Variants in RASSF2 observed in about 807,000 individuals in gnomAD.
The protein encoded by RASSF2 is ras association domain-containing protein 2.
RASSF2 carries 34 observed loss-of-function variants against 46.3 expected under a neutral mutation model. The observed-to-expected ratio is 0.73, with a 90% CI of 0.56 to 0.98. The LOEUF (loss-of-function observed/expected upper bound fraction) is 0.98, where lower values mean the gene tolerates loss of function less well. Among genes scored for constraint, RASSF2 ranks in the 50% least tolerant of loss-of-function variants. RASSF2 has a pLI of 0.00. For missense variants in RASSF2, 364 were observed against 431.2 expected, an observed-to-expected ratio of 0.84 and a Z score of 1.38; for synonymous variants, 158 against 162.5, an observed-to-expected ratio of 0.97 and a Z score of 0.21.
chr20:4,790,558 G>A lies in RASSF2; in HGVS notation c.430C>T (p.Arg144Cys), dbSNP rs778467935. Residue 144 changes from arginine to cysteine, a missense_variant, in exon 7 of 12, where the codon CGC becomes TGC. Arg to Cys is a radical substitution (Grantham distance 180, BLOSUM62 -3). Transcript: ENST00000379400. This position sits in a 1 kb window ranked among gnomAD's most constrained non-coding sequence, Gnocchi z 4.3. ...CGGCGACGCACCCCAACATCACTGCGTGTGCGCATCAGCTGTGGGGTGTCC... is the reference window on the plus strand; with the variant it reads ...CGGCGACGCACCCCAACATCACTGCATGTGCGCATCAGCTGTGGGGTGTCC... ...QEDTPQLMRT[R>C]SDVGVRRRGN... 1.2e-5 allele frequency: 19 copies of A among 1,539,034 alleles called. No individual in the cohort carries two copies. Among genetic ancestry groups the A allele is most frequent in the South Asian group, 5.0e-5 (4 of 80,058 alleles).
At position 4,784,255 on chromosome 20, in the gene RASSF2, T is replaced by A. The variant is rs1209190849; in HGVS notation, c.*18A>T. The stretch of plus-strand genomic sequence containing the variant: ...AATGGCGGTTCCTGGGGTGCCCAGA[T>A]CCCCTCGTTCTCATGGCTCAGATTG... On this transcript the variant is annotated 3_prime_UTR_variant, in exon 12 of 12. Coordinates refer to ENST00000379400, the MANE Select transcript of RASSF2 (RefSeq NM_014737.3). The A allele has an allele frequency of 6.2e-7, 1 of 1,609,120 alleles. No individual in the cohort carries two copies. The highest frequency in any genetic ancestry group is 2.2e-5 in the East Asian group (1 of 44,830).
rs1274480536 is a variant in RASSF2, at chr20:4,789,684, G to A, written c.551C>T (p.Thr184Ile). ...GTTGGTGACAGAGCCATAGGCTGGT[G>A]TGAACACGGATGTCTGTCAATAGAA... is the stretch of plus-strand genomic sequence containing the variant. The part of the protein sequence containing the change: ...HFYNHKTSVF[T>I]PAYGSVTNVR... Residue 184 changes from threonine (T) to isoleucine (I), a missense_variant, in exon 8 of 12, where the codon ACA becomes ATA. Transcript: ENST00000379400. The A allele has an allele frequency of 6.2e-7, 1 of 1,614,066 alleles. No homozygotes were observed. The highest frequency in any genetic ancestry group is 8.5e-7 in the Non-Finnish European group (1 of 1,179,984).
chr20:4,783,709 T>G lies in RASSF2; in HGVS notation c.*564A>C, dbSNP rs1050446156. The G allele has an allele frequency of 2.0e-5, 3 of 152,584 alleles. No homozygotes were observed. The highest frequency in any genetic ancestry group is 7.2e-5 in the African/African-American group (3 of 41,472). 9.5% of individuals were successfully genotyped at this position (152,584 alleles called of 1,614,324 possible). On this transcript the variant is annotated 3_prime_UTR_variant, in exon 12 of 12. Coordinates refer to ENST00000379400, the MANE Select transcript of RASSF2 (RefSeq NM_014737.3). ...TTATTTTGTTAATTTCCAAGGCTCT[T>G]ACATTCACTGATCCTTCTAGGCATA...
intron 3 of RASSF2, among the ~76,000 whole-genome samples, chr20:4,798,845 C>T (rs80050964): frequency 7.9e-6 from 1 of 127,258 alleles, no homozygotes; most frequent in African/African-American, 3.2e-5. Context: ...AACAAACAAA[C>T]AAAAAAAAAA....
At position 4,794,227 on chromosome 20, in the gene RASSF2, C is replaced by A. The variant is rs553826023; in HGVS notation, c.287+1588G>T. Among the ~76,000 whole-genome samples, 3 of 152,106 alleles carry A rather than the reference C, an allele frequency of 2.0e-5. No individual in the cohort carries two copies. The East Asian group carries it at 5.8e-4, about 29-fold the overall frequency. ...ATTGCCTGAGGCCAGGAGTTTGAGA[C>A]CAACCTGTGCAACATAGTGAGACCC... On this transcript the variant is annotated intron_variant, in intron 5 of 11. Transcript: ENST00000379400.
Position 4,788,237 on chromosome 20 carries a change from T to C in RASSF2, c.671A>G (p.Tyr224Cys). 6.2e-7 allele frequency: 1 copy of C among 1,607,568 alleles called. No individual in the cohort carries two copies. Among genetic ancestry groups the C allele is most frequent in the Non-Finnish European group, 8.5e-7 (1 of 1,173,974 alleles). ...IENSAEEFAL[Y>C]VVHTSGEKQK... ...CTTACCACCACTCGTATGGACCACG[T>C]ACAAGGCAAACTCCTCTGCTGAATT... Residue 224 changes from tyrosine (Y) to cysteine (C), a missense_variant, in exon 9 of 12, where the codon TAC becomes TGC. Tyr to Cys is a radical substitution (Grantham distance 194). Transcript: ENST00000379400.
At chr20:4,816,049 C>A (rs1928280178) in intron 2 of RASSF2, among the ~76,000 whole-genome samples, 1 of 152,170 alleles carries the variant, frequency 6.6e-6, no homozygotes. Flanking sequence ...CACCTGTAAT[C>A]CCAGCAATTT....
At chr20:4,801,675 A>G (rs1305989991) in intron 2 of RASSF2, among the ~76,000 whole-genome samples, 1 of 152,206 alleles carries the variant, frequency 6.6e-6, no homozygotes, top group Non-Finnish European at 1.5e-5. Flanking sequence ...ATTTATTCAG[A>G]TAGGTATATA....
At chr20:4,811,397 G>C (rs1927796290) in intron 2 of RASSF2, among the ~76,000 whole-genome samples, 1 of 152,002 alleles carries the variant, frequency 6.6e-6, no homozygotes, top group Non-Finnish European at 1.5e-5. Context: ...TTGCAGCCCA[G>C]ATCAATTACA....
chr20:4,785,806 T>G (rs1344811331), intron 11 of RASSF2, among the ~76,000 whole-genome samples: 3 of 152,064 alleles, frequency 2.0e-5, no homozygotes, highest in Non-Finnish European at 4.4e-5. Context: ...TGCCCAAGTC[T>G]TCGCAAATAG....
At chr20:4,804,988 G>C (rs1927228456) in intron 2 of RASSF2, among the ~76,000 whole-genome samples, 1 of 152,044 alleles carries the variant, frequency 6.6e-6, no homozygotes, top group South Asian at 2.1e-4. Context: ...GGGGCGAGTA[G>C]GTCCAGGCAG....
intron 2 of RASSF2, 147 bp from the exon 3 acceptor site, chr20:4,801,209 G>C: frequency 1.6e-6 from 1 of 626,012 alleles, no homozygotes; most frequent in Non-Finnish European, 2.8e-6. Flanking sequence ...CTGACCCAAG[G>C]CTGTGAGGGG....
chr20:4,813,744 CA>C (rs1928046336), intron 2 of RASSF2, among the ~76,000 whole-genome samples: 1 of 151,942 alleles, frequency 6.6e-6, no homozygotes, highest in Admixed American at 6.6e-5. Context: ...TGGGTGTGAG[CA>C]TAGCTCCCGG....
chr20:4,785,817 T>A (rs1371075586), intron 11 of RASSF2, among the ~76,000 whole-genome samples: 1 of 152,058 alleles, frequency 6.6e-6, no homozygotes, highest in Non-Finnish European at 1.5e-5. Flanking sequence ...TCGCAAATAG[T>A]CCCTTCTTCA....
chr20:4,812,008 C>T lies in RASSF2; in HGVS notation c.-33+10321G>A, dbSNP rs558999532. Among the ~76,000 whole-genome samples, 26 of 152,192 alleles carry T rather than the reference C, an allele frequency of 1.7e-4. No individual in the cohort carries two copies. The South Asian group carries it at 3.9e-3, about 23-fold the overall frequency. ...GGCAGAGGAGATAGTGATCCCTCTGCGCTTCGGACCCCTTGTAGTGGGGCA... is the reference window on the plus strand; with the variant it reads ...GGCAGAGGAGATAGTGATCCCTCTGTGCTTCGGACCCCTTGTAGTGGGGCA... On this transcript the variant is annotated intron_variant, in intron 2 of 11. Coordinates refer to ENST00000379400, the MANE Select transcript of RASSF2 (RefSeq NM_014737.3). This position sits in a 1 kb window ranked among gnomAD's most constrained non-coding sequence, Gnocchi z 4.0.
chr20:4,786,116 A>C (rs1925311197), intron 11 of RASSF2, 115 bp downstream of exon 11: 1 of 831,876 alleles, frequency 1.2e-6, no homozygotes, highest in Non-Finnish European at 2.0e-6. Context: ...CTCCAAAGAA[A>C]GCCGAGACTC....
intron 6 of RASSF2, among the ~76,000 whole-genome samples, chr20:4,791,632 A>T (rs956567556): frequency 4.6e-5 from 7 of 152,242 alleles, no homozygotes; most frequent in African/African-American, 1.4e-4. Context: ...GACAATATCT[A>T]TGAAAATTAA....
rs746738643 is a variant in RASSF2, at chr20:4,795,808, C to A, written c.287+7G>T. 1 of 1,608,202 alleles carries A rather than the reference C, an allele frequency of 6.2e-7. No homozygotes were observed. Among genetic ancestry groups the A allele is most frequent in the Non-Finnish European group, 8.5e-7 (1 of 1,176,660 alleles). On this transcript the variant is annotated splice_region_variant and intron_variant, in intron 5 of 11. Coordinates refer to ENST00000379400, the MANE Select transcript of RASSF2 (RefSeq NM_014737.3). This position sits in a 1 kb window ranked among gnomAD's most constrained non-coding sequence, Gnocchi z 4.0. ...GTCATCTCCCTGCCCCGTCTCTCCT[C>A]ACTCACCCCTGAGCCCCCAGGTTAC...
Position 4,788,326 on chromosome 20 carries a change from A to G in RASSF2, c.640-58T>C, listed in dbSNP as rs1396323971. On this transcript the variant is annotated intron_variant, in intron 8 of 11. Coordinates refer to ENST00000379400, the MANE Select transcript of RASSF2 (RefSeq NM_014737.3). ...TTTCTATTTAAACATCCCAACTTCG[A>G]GGCTTTTCCTCTTCTTTAGCAATGC... 6.7e-6 allele frequency: 10 copies of G among 1,496,114 alleles called. No homozygotes were observed. In the East Asian group the frequency reaches 2.0e-4, roughly 30 times the overall value. 92.7% of individuals were successfully genotyped at this position (1,496,114 alleles called of 1,614,324 possible).
Sources: gnomAD v4.1 joint callset for allele counts (sites outside exome capture counted in the v4.1 genomes callset) on GRCh38, gnomAD v4.1.1 for gene constraint, Gnocchi (gnomAD v3.1) non-coding constraint, MANE v1.5 for transcripts, NCBI Gene and HGNC (gene_info 2026-07-23, HGNC 2026-07-21) for gene names.